Variants in DSCAM observed in about 807,000 individuals in gnomAD.
DSCAM encodes cell adhesion molecule DSCAM.
DSCAM carries 47 observed loss-of-function variants against 217.7 expected under a neutral mutation model. That is an observed-to-expected ratio of 0.22 (90% confidence interval 0.17 to 0.28). The LOEUF (loss-of-function observed/expected upper bound fraction) is 0.28. DSCAM is among the 10% of genes least tolerant of loss of function. DSCAM has a pLI of 1.00. For synonymous variants in DSCAM, 1,056 were observed against 1,015.3 expected (o/e 1.04, Z -0.76); for missense variants, 2,080 against 2,618.3 (o/e 0.79, Z 4.49).
Position 40,553,430 on chromosome 21 carries a change from C to T in DSCAM, c.508+139380G>A, listed in dbSNP as rs567758897. ...ATAATGTGGAAATCCACCAGGATTCCCCTGATGCAAGGTTTCAGGAGGTAT... is the reference window on the plus strand; with the variant it reads ...ATAATGTGGAAATCCACCAGGATTCTCCTGATGCAAGGTTTCAGGAGGTAT... On this transcript the variant is annotated intron_variant, in intron 3 of 32. Coordinates refer to ENST00000400454, the MANE Select transcript of DSCAM (RefSeq NM_001389.5). Among the ~76,000 whole-genome samples, 17 of 152,268 alleles carry T rather than the reference C, an allele frequency of 1.1e-4. No homozygotes were observed. In the East Asian group the frequency reaches 3.3e-3, roughly 29 times the overall value.
chr21:40,652,239 C>A (rs555467999), intron 3 of DSCAM, among the ~76,000 whole-genome samples: 2 of 151,570 alleles, frequency 1.3e-5, no homozygotes, highest in Non-Finnish European at 2.9e-5. Flanking sequence ...ATGATCTGTG[C>A]GGCAAACCAC....
intron 3 of DSCAM, among the ~76,000 whole-genome samples, chr21:40,657,583 C>A (rs542141397): frequency 1.3e-5 from 2 of 152,296 alleles, no homozygotes; most frequent in East Asian, 1.9e-4. Flanking sequence ...CAGCTACACC[C>A]TTTGGTGACT....
rs150621589 is a variant in DSCAM, at chr21:40,754,806, C to T, written c.44-46035G>A. Among the ~76,000 whole-genome samples the T allele has an allele frequency of 2.2e-4, 34 of 152,304 alleles. No homozygotes were observed. In the East Asian group the frequency reaches 4.6e-3, roughly 21 times the overall value. ...AATTGTCCTGTGTCTCCTTCACACA[C>T]GGAGTTGATGGCAGCCATTGCTTCA... is the stretch of plus-strand genomic sequence containing the variant. On this transcript the variant is annotated intron_variant, in intron 1 of 32. Coordinates refer to ENST00000400454, the MANE Select transcript of DSCAM (RefSeq NM_001389.5).
At chr21:40,623,988 A>G (rs2089562902) in intron 3 of DSCAM, among the ~76,000 whole-genome samples, 1 of 152,184 alleles carries the variant, frequency 6.6e-6, no homozygotes, top group South Asian at 2.1e-4. Context: ...TTCACTCAGA[A>G]GGTTGGTTTG....
intron 16 of DSCAM, among the ~76,000 whole-genome samples, chr21:40,159,140 T>C (rs1363090593): frequency 2.0e-5 from 3 of 152,188 alleles, no homozygotes; most frequent in African/African-American, 7.2e-5. Context: ...GCCATAATAA[T>C]AACAATAAAA....
At chr21:40,826,453 C>A (rs1348081068) in intron 1 of DSCAM, among the ~76,000 whole-genome samples, 1 of 152,126 alleles carries the variant, frequency 6.6e-6, no homozygotes, top group Non-Finnish European at 1.5e-5. Flanking sequence ...AAGGGAGAGG[C>A]TTTGGAAAGA....
At chr21:40,029,499 C>A (rs899678105) in intron 32 of DSCAM, among the ~76,000 whole-genome samples, 1 of 151,302 alleles carries the variant, frequency 6.6e-6, no homozygotes, top group African/African-American at 2.4e-5. Flanking sequence ...GCCAGTAATT[C>A]GAAAGAGTTA....
intron 3 of DSCAM, among the ~76,000 whole-genome samples, chr21:40,553,595 A>G (rs919518375): frequency 1.3e-5 from 2 of 152,168 alleles, no homozygotes; most frequent in African/African-American, 2.4e-5. Context: ...AACCAAATAT[A>G]CCTTTAATTT....
At chr21:40,023,363 T>G (rs551087741) in intron 32 of DSCAM, among the ~76,000 whole-genome samples, 4 of 152,238 alleles carry the variant, frequency 2.6e-5, no homozygotes, top group African/African-American at 9.6e-5. Flanking sequence ...GCATGATTTA[T>G]ATTCCTTTGG....
intron 3 of DSCAM, among the ~76,000 whole-genome samples, chr21:40,525,391 G>C (rs770116424): frequency 6.6e-6 from 1 of 152,148 alleles, no homozygotes; most frequent in Non-Finnish European, 1.5e-5. Context: ...AACAGATGTG[G>C]TCAGGGACCA....
At chr21:40,719,737 T>C (rs576559399) in intron 1 of DSCAM, among the ~76,000 whole-genome samples, 3 of 152,174 alleles carry the variant, frequency 2.0e-5, no homozygotes, top group South Asian at 2.1e-4. Flanking sequence ...AACATCAAAA[T>C]AGGAAAAACT....
At chr21:40,585,419 CAAAAAAAAAAAAA>C (rs71186946) in intron 3 of DSCAM, among the ~76,000 whole-genome samples, 1 of 87,010 alleles carries the variant, frequency 1.1e-5, no homozygotes, top group Non-Finnish European at 2.5e-5. Context: ...GACTCCGTCT[CAAAAAAAAAAAAA>C]AAAAAAAAAA....
chr21:40,335,316 A>G (rs1040001383), intron 8 of DSCAM, among the ~76,000 whole-genome samples: 2 of 152,314 alleles, frequency 1.3e-5, no homozygotes. Flanking sequence ...ATACTATATG[A>G]TAAGTATTCA....
Position 40,182,641 on chromosome 21 carries a change from A to G in DSCAM, c.2780-3547T>C, listed in dbSNP as rs200682320. Among the ~76,000 whole-genome samples the G allele has an allele frequency of 9.2e-3, 685 of 74,342 alleles. 12 individuals carry two copies. The highest frequency in any genetic ancestry group is 0.036 in the African/African-American group (474 of 13,026). The allele number at this position is 74,342 out of a possible 152,430, so 48.8% of individuals were successfully genotyped here. ...ACGGGCCACCAGAGAAACCGTGGAC[A>G]GGAGGGGGTTACCAGAGAAACCGTG... On this transcript the variant is annotated intron_variant, in intron 14 of 32. Coordinates refer to ENST00000400454, the MANE Select transcript of DSCAM (RefSeq NM_001389.5).
chr21:40,428,117 A>G (rs778560835), intron 3 of DSCAM, among the ~76,000 whole-genome samples: 14 of 152,154 alleles, frequency 9.2e-5, no homozygotes, highest in Non-Finnish European at 1.3e-4. Context: ...TAGGCTTGGC[A>G]TGTTCAACAC....
chr21:40,681,488 G>A (rs1339402571), intron 3 of DSCAM, among the ~76,000 whole-genome samples: 2 of 40,322 alleles, frequency 5.0e-5, no homozygotes, highest in South Asian at 2.6e-3. Flanking sequence ...CCTTAAAAAT[G>A]CTTTTTTTTT....
chr21:40,825,320 T>TTC, intron 1 of DSCAM, among the ~76,000 whole-genome samples: 1 of 151,792 alleles, frequency 6.6e-6, no homozygotes, highest in Admixed American at 6.6e-5. Context: ...CTTCCTTTTT[T>TTC]TCTTCCTTTC....
chr21:40,663,288 T>C (rs907749554), intron 3 of DSCAM, among the ~76,000 whole-genome samples: 8 of 150,832 alleles, frequency 5.3e-5, no homozygotes. Flanking sequence ...TATATGTGTG[T>C]GTGTGTGGTG....
chr21:40,282,878 T>G (rs1200578753), intron 10 of DSCAM, among the ~76,000 whole-genome samples: 1 of 152,216 alleles, frequency 6.6e-6, no homozygotes, highest in Non-Finnish European at 1.5e-5. Flanking sequence ...TGTTTATTCC[T>G]ATCTAGACTG....
Sources: gnomAD v4.1 joint callset for allele counts (sites outside exome capture counted in the v4.1 genomes callset) on GRCh38, gnomAD v4.1.1 for gene constraint, MANE v1.5 for transcripts, NCBI Gene and HGNC (gene_info 2026-07-23, HGNC 2026-07-21) for gene names.